DNAH6: variants seen among roughly 807,000 people sequenced by gnomAD.
DNAH6 encodes dynein axonemal heavy chain 6, also known as axonemal beta dynein heavy chain 6.
A neutral mutation model predicts 491.4 loss-of-function variants in DNAH6; 340 were observed. The ratio of observed to expected loss-of-function variants is 0.69; its 90% CI spans 0.63 to 0.76. The LOEUF (loss-of-function observed/expected upper bound fraction) is 0.76. Ranked by LOEUF, DNAH6 falls within the 30% of genes least tolerant of loss-of-function variation. The pLI is 0.00. For synonymous variants in DNAH6, 1,603 were observed against 1,686.1 expected (o/e 0.95, Z 1.21); for missense variants, 4,443 against 4,972.2 (o/e 0.89, Z 3.20).
chr2:84,742,940 G>C (rs1672653513), intron 62 of DNAH6, among the ~76,000 whole-genome samples: 1 of 152,164 alleles, frequency 6.6e-6, no homozygotes, highest in Admixed American at 6.5e-5. Context: ...ACTAGGGGGA[G>C]AAAAAGCTGT....
chr2:84,719,634 C>G (rs1347823259), intron 59 of DNAH6, among the ~76,000 whole-genome samples: 1 of 152,096 alleles, frequency 6.6e-6, no homozygotes, highest in East Asian at 1.9e-4. Flanking sequence ...CCTCAGCCCC[C>G]TGAATATCTG....
intron 64 of DNAH6, among the ~76,000 whole-genome samples, chr2:84,765,041 A>G (rs1177467986): frequency 2.0e-5 from 3 of 152,158 alleles, no homozygotes; most frequent in Admixed American, 2.0e-4. Context: ...CAATATGACT[A>G]TGTCACACAA....
At chr2:84,800,707 GA>G (rs2105300496) in intron 70 of DNAH6, among the ~76,000 whole-genome samples, 1 of 152,068 alleles carries the variant, frequency 6.6e-6, no homozygotes, top group South Asian at 2.1e-4. Context: ...AAAAAATAAA[GA>G]AAAGAGAATT....
At chr2:84,549,422 A>G (rs192997534) in intron 8 of DNAH6, among the ~76,000 whole-genome samples, 277 of 152,320 alleles carry the variant, frequency 1.8e-3, no homozygotes, top group African/African-American at 6.4e-3. Flanking sequence ...CTAAGTAAGC[A>G]CTCAAGTAAG....
chr2:84,624,832 A>C, intron 28 of DNAH6, 70 bp from the exon 29 acceptor site: 2 of 1,415,690 alleles, frequency 1.4e-6, no homozygotes, highest in Admixed American at 2.7e-5. Context: ...CTTCCCCCAT[A>C]GAGAGGAAAT....
chr2:84,526,918 A>T (rs1458831726), intron 3 of DNAH6, among the ~76,000 whole-genome samples: 2 of 152,136 alleles, frequency 1.3e-5, no homozygotes, highest in African/African-American at 4.8e-5. Flanking sequence ...GACATCTGGG[A>T]TAAAAGTGGG....
the DNAH6 span, among the ~76,000 whole-genome samples, chr2:84,469,905 A>T: frequency 6.6e-6 from 1 of 151,902 alleles, no homozygotes; most frequent in African/African-American, 2.4e-5. This position sits in a 1 kb window ranked among gnomAD's most constrained non-coding sequence, Gnocchi z 4.0. Context: ...CTTAGAAAGG[A>T]CTCTAACCCT....
chr2:84,700,992 G>A, intron 48 of DNAH6, 105 bp from the exon 49 acceptor site: 1 of 1,293,532 alleles, frequency 7.7e-7, no homozygotes, highest in Admixed American at 2.3e-5. Context: ...GGTGAAGAGG[G>A]GACTGGGCAG....
At chr2:84,785,080 AC>A (rs1677052185) in intron 66 of DNAH6, among the ~76,000 whole-genome samples, 1 of 152,106 alleles carries the variant, frequency 6.6e-6, no homozygotes, top group Non-Finnish European at 1.5e-5. Flanking sequence ...TAAGAAGAGA[AC>A]CCCTTCTAGT....
chr2:84,774,006 TC>T (rs1404155662), intron 64 of DNAH6, among the ~76,000 whole-genome samples: 1 of 152,092 alleles, frequency 6.6e-6, no homozygotes, highest in Non-Finnish European at 1.5e-5. Context: ...TTTCTCCCAT[TC>T]TGTAGGTTGT....
chr2:84,566,605 TTAATTTA>T (rs772915785), intron 11 of DNAH6, among the ~76,000 whole-genome samples: 17 of 152,030 alleles, frequency 1.1e-4, no homozygotes, highest in Non-Finnish European at 1.6e-4. Flanking sequence ...TCTCTCTAGG[TTAATTTA>T]TAATTTTAAC....
the DNAH6 span, among the ~76,000 whole-genome samples, chr2:84,499,413 C>A: frequency 1.3e-5 from 2 of 152,154 alleles, no homozygotes; most frequent in Non-Finnish European, 2.9e-5. Context: ...ATTGTGTATG[C>A]ATACCACATT....
At chr2:84,553,364 CTTTTCTTTCTTT>C (rs1558702936) in intron 10 of DNAH6, among the ~76,000 whole-genome samples, 4 of 12,138 alleles carry the variant, frequency 3.3e-4, no homozygotes, top group Non-Finnish European at 3.4e-4. Flanking sequence ...CTTTTCTTTT[CTTTTCTTTCTTT>C]CTTTCTTTCT....
At position 84,753,329 on chromosome 2, in the gene DNAH6, T is replaced by C. The variant is rs550399379; in HGVS notation, c.10512+8080T>C. ...GAATGTTCTCTCATCCTATGGGCTGTCTTTTCGCTTTCTTGGTAGTGTCCT... is the reference window on the plus strand; with the variant it reads ...GAATGTTCTCTCATCCTATGGGCTGCCTTTTCGCTTTCTTGGTAGTGTCCT... On this transcript the variant is annotated intron_variant, in intron 63 of 76. Coordinates refer to ENST00000389394, the MANE Select transcript of DNAH6 (RefSeq NM_001370.2). Among the ~76,000 whole-genome samples the C allele has an allele frequency of 2.0e-5, 3 of 152,336 alleles. No individual in the cohort carries two copies. In the South Asian group the frequency reaches 6.2e-4, roughly 32 times the overall value.
intron 11 of DNAH6, among the ~76,000 whole-genome samples, chr2:84,569,721 C>T (rs890982566): frequency 3.9e-5 from 6 of 151,992 alleles, no homozygotes; most frequent in African/African-American, 1.2e-4. Context: ...TTAGTGTATT[C>T]GCAATGTTGA....
chr2:84,807,098 A>AT (rs1679494520), intron 71 of DNAH6, among the ~76,000 whole-genome samples: 1 of 152,212 alleles, frequency 6.6e-6, no homozygotes, highest in South Asian at 2.1e-4. Context: ...TAAGCAGATC[A>AT]TCTGCTGAGA....
At chr2:84,763,723 T>C (rs1674810472) in intron 64 of DNAH6, among the ~76,000 whole-genome samples, 1 of 93,842 alleles carries the variant, frequency 1.1e-5, no homozygotes, top group Non-Finnish European at 2.0e-5. Context: ...GATGTGTGTG[T>C]GTGTGTGTGT....
chr2:84,793,602 A>C lies in DNAH6; in HGVS notation c.11240-2704A>C, dbSNP rs17025558. 3.2e-3 allele frequency among the ~76,000 whole-genome samples: 487 copies of C among 152,316 alleles called. 10 individuals are homozygous for C. The East Asian group carries it at 0.073, about 23-fold the overall frequency. On this transcript the variant is annotated intron_variant, in intron 68 of 76. Transcript: ENST00000389394. ...CGACCATATTAGATGGACCCACGAC[A>C]GAGATTTAACCCAACTTTATGTTCC... is the stretch of plus-strand genomic sequence containing the variant.
chr2:84,604,519 G>A lies in DNAH6; in HGVS notation c.3049G>A (p.Gly1017Arg), dbSNP rs1685569259. The part of the protein sequence containing the change: ...EIQDISGQAS[G>R]EAALEAILKK... ...CCAGGACATATCTGGACAGGCTTCT[G>A]GAGAAGCTGCCTTAGAAGCAATTCT... is the stretch of plus-strand genomic sequence containing the variant. The change falls in exon 19 of 77, where the codon GGA (glycine) becomes AGA (arginine). Residue 1017 changes from glycine (G) to arginine (R), a missense_variant. Gly to Arg is a moderately radical substitution (Grantham distance 125). Transcript: ENST00000389394. 9 of 1,551,628 alleles carry A rather than the reference G, an allele frequency of 5.8e-6. No individual in the cohort carries two copies. The highest frequency in any genetic ancestry group is 7.0e-6 in the Non-Finnish European group (8 of 1,146,960).
Sources: gnomAD v4.1 joint callset for allele counts (sites outside exome capture counted in the v4.1 genomes callset) on GRCh38, gnomAD v4.1.1 for gene constraint, Gnocchi (gnomAD v3.1) non-coding constraint, MANE v1.5 for transcripts, NCBI Gene and HGNC (gene_info 2026-07-23, HGNC 2026-07-21) for gene names.